Variants in MIXL1 observed in about 807,000 individuals in gnomAD.
The protein encoded by MIXL1 is homeobox protein MIXL1.
A neutral mutation model predicts 9.3 loss-of-function variants in MIXL1; 9 were observed. The observed-to-expected ratio is 0.97, with a 90% CI of 0.58 to 1.69. The LOEUF is 1.69. Among genes scored for constraint, MIXL1 ranks in the 40% most tolerant of loss-of-function variants. The pLI is 0.00. For synonymous variants in MIXL1, 164 were observed against 155.6 expected (o/e 1.05, Z -0.40); for missense variants, 330 against 331.7 (o/e 0.99, Z 0.04).
At position 226,226,391 on chromosome 1, in the gene MIXL1, C is replaced by T. The variant is rs1008297130; in HGVS notation, c.*579C>T. On this transcript the variant is annotated 3_prime_UTR_variant, in exon 2 of 2. Coordinates refer to ENST00000366810, the MANE Select transcript of MIXL1 (RefSeq NM_031944.3). ...TCTCAACTACTTAAAAAAAATTACC[C>T]TCTGTGGGCCAGGTGCAGTGGCTCA... 2 of 152,254 alleles carry T rather than the reference C, an allele frequency of 1.3e-5. No homozygotes were observed. Among genetic ancestry groups the T allele is most frequent in the African/African-American group, 4.8e-5 (2 of 41,408 alleles). 9.4% of individuals were successfully genotyped at this position (152,254 alleles called of 1,614,324 possible).
intron 1 of MIXL1, among the ~76,000 whole-genome samples, chr1:226,224,977 AAGG>A (rs1332089962): frequency 6.6e-6 from 1 of 152,194 alleles, no homozygotes; most frequent in Non-Finnish European, 1.5e-5. Flanking sequence ...TAGAGTTGGT[AAGG>A]AGAAGCCTGC....
Position 226,225,674 on chromosome 1 carries a change from AAACGG to A in MIXL1, c.562_566del (p.Asn188GlyfsTer7). The A allele has an allele frequency of 6.2e-7, 1 of 1,614,182 alleles. No individual in the cohort carries two copies. The highest frequency in any genetic ancestry group is 8.5e-7 in the Non-Finnish European group (1 of 1,180,032). ...TAGATGTGAACTGCCTGCCCGAACC[AAACGG>A]GGTTGGAGGGGGCATCTCTGACTCT... On this transcript the variant is annotated frameshift_variant, in exon 2 of 2. Coordinates refer to ENST00000366810, the MANE Select transcript of MIXL1 (RefSeq NM_031944.3). LOFTEE classifies it low-confidence loss of function (END_TRUNC).
intron 1 of MIXL1, among the ~76,000 whole-genome samples, chr1:226,224,851 G>T (rs551249857): frequency 1.3e-5 from 2 of 152,232 alleles, no homozygotes; most frequent in Non-Finnish European, 2.9e-5. Context: ...TGTTGGTCAG[G>T]CTGGTTTCGA....
In MIXL1 at chr1:226,223,973, C is replaced by T. The variant is rs764300149; in HGVS notation, c.292C>T (p.Leu98=). ...GCGCACGTCTTTCAGCGCCGAACAG[C>T]TGCAGCTGCTGGAGCTCGTCTTCCG... is the stretch of plus-strand genomic sequence containing the variant. ...RKRTSFSAEQ[L]QLLELVFRRT... Residue 98 remains leucine (L), a synonymous_variant, in exon 1 of 2, where the codon CTG becomes TTG. Transcript: ENST00000366810. The T allele has an allele frequency of 4.1e-6, 6 of 1,447,398 alleles. No individual in the cohort carries two copies. The South Asian group carries it at 6.0e-5, about 14-fold the overall frequency. 89.7% of individuals were successfully genotyped at this position (1,447,398 alleles called of 1,614,324 possible).
At position 226,223,778 on chromosome 1, in the gene MIXL1, C is replaced by G. The variant is rs1178698980; in HGVS notation, c.97C>G (p.Pro33Ala). The G allele has an allele frequency of 3.6e-5, 50 of 1,393,162 alleles. No individual in the cohort carries two copies. The highest frequency in any genetic ancestry group is 4.5e-5 in the Non-Finnish European group (48 of 1,075,984). 86.3% of individuals were successfully genotyped at this position (1,393,162 alleles called of 1,614,324 possible). Reference protein sequence around the residue: ...PHAGGALLPPPSPAAALLPAP... With the variant: ...PHAGGALLPPASPAAALLPAP... ...CGCCGGCGGGGCGCTCCTGCCGCCCCCGAGCCCTGCGGCAGCCCTGCTCCC... is the reference window on the plus strand; with the variant it reads ...CGCCGGCGGGGCGCTCCTGCCGCCCGCGAGCCCTGCGGCAGCCCTGCTCCC... Residue 33 changes from proline to alanine, a missense_variant, in exon 1 of 2, where the codon CCG becomes GCG. By Grantham distance (27) the Pro-to-Ala change is conservative. Transcript: ENST00000366810.
rs200659360 is a variant in MIXL1, at chr1:226,225,762, A to G, written c.649A>G (p.Lys217Glu). 4.3e-6 allele frequency: 7 copies of G among 1,614,192 alleles called. No homozygotes were observed. Among genetic ancestry groups the G allele is most frequent in the Middle Eastern group, 1.7e-4 (1 of 6,060 alleles). Residue 217 changes from lysine (K) to glutamate (E), a missense_variant, in exon 2 of 2, where the codon AAG becomes GAG. By Grantham distance (56) the Lys-to-Glu change is moderately conservative. Coordinates refer to ENST00000366810, the MANE Select transcript of MIXL1 (RefSeq NM_031944.3). ...CSPLSEDIGS[K>E]LDSWEEHIFS... ...CCCTCTCTCTGAAGACATTGGTTCA[A>G]AGCTGGACTCATGGGAGGAACACAT...
chr1:226,223,905 C>G lies in MIXL1; in HGVS notation c.224C>G (p.Pro75Arg). The change falls in exon 1 of 2, where the codon CCC becomes CGC. Residue 75 changes from proline (P) to arginine (R), a missense_variant. Pro to Arg is a moderately radical substitution (Grantham distance 103). Coordinates refer to ENST00000366810, the MANE Select transcript of MIXL1 (RefSeq NM_031944.3). ...PPPASLGSPAPPKGAAAPSAS... is the reference protein window; with the variant it reads ...PPPASLGSPARPKGAAAPSAS... ...CCCGCCAGCCTGGGCTCGCCTGCGC[C>G]CCCCAAAGGCGCGGCCGCCCCGTCG... 1.5e-6 allele frequency: 2 copies of G among 1,298,320 alleles called. No homozygotes were observed. The highest frequency in any genetic ancestry group is 2.0e-6 in the Non-Finnish European group (2 of 1,018,444). 80.4% of individuals were successfully genotyped at this position (1,298,320 alleles called of 1,614,324 possible).
Position 226,224,218 on chromosome 1 carries a change from G to C in MIXL1, c.393+144G>C, listed in dbSNP as rs539201649. 71 of 758,678 alleles carry C rather than the reference G, an allele frequency of 9.4e-5. No homozygotes were observed. The African/African-American group carries it at 1.2e-3, about 13-fold the overall frequency. The allele number at this position is 758,678 out of a possible 1,614,324, so 47.0% of individuals were successfully genotyped here. On this transcript the variant is annotated intron_variant, in intron 1 of 1. Coordinates refer to ENST00000366810, the MANE Select transcript of MIXL1 (RefSeq NM_031944.3). ...GGCTCTGCGTACTAGACTGAAATAGGGGGTGATATCGGCACCTGCTGCATA... is the reference window on the plus strand; with the variant it reads ...GGCTCTGCGTACTAGACTGAAATAGCGGGTGATATCGGCACCTGCTGCATA...
rs1182098072 is a variant in MIXL1 at position 226,226,032 on chromosome 1, T to C, written c.*220T>C. 3.7e-6 allele frequency: 2 copies of C among 535,638 alleles called. No individual in the cohort carries two copies. Among genetic ancestry groups the C allele is most frequent in the Admixed American group, 3.2e-5 (1 of 30,804 alleles). 33.2% of individuals were successfully genotyped at this position (535,638 alleles called of 1,614,324 possible). A position where few individuals can be genotyped will look rare whatever the true frequency, so the allele number is the denominator to read the frequency against. ...CACCCCAGAGTTCCCGCATTCGTTT[T>C]TACCTGTGTTCTCTCCAAGCCTGCA... On this transcript the variant is annotated 3_prime_UTR_variant, in exon 2 of 2. Transcript: ENST00000366810.
At chr1:226,224,884 C>T (rs1219107390) in intron 1 of MIXL1, among the ~76,000 whole-genome samples, 1 of 152,162 alleles carries the variant, frequency 6.6e-6, no homozygotes, top group African/African-American at 2.4e-5. Context: ...AGGTGATCCA[C>T]CCGCCTCAAA....
Position 226,223,954 on chromosome 1 carries a change from G to A in MIXL1, c.273G>A (p.Thr91=). 6.9e-7 allele frequency: 1 copy of A among 1,441,518 alleles called. No homozygotes were observed. Among genetic ancestry groups the A allele is most frequent in the African/African-American group, 1.4e-5 (1 of 69,750 alleles). 89.3% of individuals were successfully genotyped at this position (1,441,518 alleles called of 1,614,324 possible). Residue 91 remains threonine, a synonymous_variant, in exon 1 of 2, where the codon ACG becomes ACA. Coordinates refer to ENST00000366810, the MANE Select transcript of MIXL1 (RefSeq NM_031944.3). The part of the protein sequence containing the change: ...APSASQRRKR[T]SFSAEQLQLL... ...CGGCGTCGCAGCGCCGCAAGCGCAC[G>A]TCTTTCAGCGCCGAACAGCTGCAGC...
intron 1 of MIXL1, 100 bp from the exon 2 acceptor site, chr1:226,225,407 A>G: frequency 7.4e-7 from 1 of 1,345,796 alleles, no homozygotes; most frequent in Non-Finnish European, 1.0e-6. Flanking sequence ...AGAGGAAGCC[A>G]GGGGATGTTA....
At position 226,224,029 on chromosome 1, in the gene MIXL1, C is replaced by T. The variant is rs1047946328; in HGVS notation, c.348C>T (p.Arg116=). Residue 116 remains arginine, a synonymous_variant, in exon 1 of 2, where the codon CGC becomes CGT. Transcript: ENST00000366810. Reference sequence around the variant, plus strand: ...CCCGGTACCCCGACATCCACTTGCGCGAGCGCCTGGCCGCGCTCACCCTGC... The same window carrying T: ...CCCGGTACCCCGACATCCACTTGCGTGAGCGCCTGGCCGCGCTCACCCTGC... ...RRTRYPDIHL[R]ERLAALTLLP... 5 of 1,415,240 alleles carry T rather than the reference C, an allele frequency of 3.5e-6. No homozygotes were observed. The highest frequency in any genetic ancestry group is 4.7e-6 in the Non-Finnish European group (5 of 1,071,964). The allele number at this position is 1,415,240 out of a possible 1,614,324, so 87.7% of individuals were successfully genotyped here. A position where few individuals can be genotyped will look rare whatever the true frequency, so the allele number is the denominator to read the frequency against.
In MIXL1 at chr1:226,225,879, G is replaced by A; in HGVS notation, c.*67G>A. 2.3e-6 allele frequency: 3 copies of A among 1,289,106 alleles called. No homozygotes were observed. Among genetic ancestry groups the A allele is most frequent in the South Asian group, 1.4e-5 (1 of 72,894 alleles). 79.9% of individuals were successfully genotyped at this position (1,289,106 alleles called of 1,614,324 possible). On this transcript the variant is annotated 3_prime_UTR_variant, in exon 2 of 2. Transcript: ENST00000366810. ...CTGACAGCCTGGGAGAGACACATCA[G>A]CATACTGTCCTTTCTGACTTCCATG...
rs562031702 is a variant in MIXL1 at position 226,224,840 on chromosome 1, A to G, written c.394-667A>G. 1.2e-3 allele frequency among the ~76,000 whole-genome samples: 182 copies of G among 152,190 alleles called. 1 individual carries two copies. Among genetic ancestry groups the G allele is most frequent in the African/African-American group, 4.0e-3 (168 of 41,526 alleles). On this transcript the variant is annotated intron_variant, in intron 1 of 1. Coordinates refer to ENST00000366810, the MANE Select transcript of MIXL1 (RefSeq NM_031944.3). ...TTTTTAGTAGAGACGGGGTTTTACC[A>G]TGTTGGTCAGGCTGGTTTCGAACTC...
In MIXL1 at chr1:226,226,075, T is replaced by A. The variant is rs183341751; in HGVS notation, c.*263T>A. The A allele has an allele frequency of 1.4e-4, 53 of 370,144 alleles. No individual in the cohort carries two copies. The highest frequency in any genetic ancestry group is 2.3e-4 in the Non-Finnish European group (47 of 204,268). The allele number at this position is 370,144 out of a possible 1,614,324, so 22.9% of individuals were successfully genotyped here. A position where few individuals can be genotyped will look rare whatever the true frequency, so the allele number is the denominator to read the frequency against. On this transcript the variant is annotated 3_prime_UTR_variant, in exon 2 of 2. Coordinates refer to ENST00000366810, the MANE Select transcript of MIXL1 (RefSeq NM_031944.3). Reference sequence around the variant, plus strand: ...AGCCTGCACATTCCATTGGTCTGCATCCCTATGCCTTCTTGCCAGGCCTGT... The same window carrying A: ...AGCCTGCACATTCCATTGGTCTGCAACCCTATGCCTTCTTGCCAGGCCTGT...
Position 226,224,057 on chromosome 1 carries a change from C to A in MIXL1, c.376C>A (p.Pro126Thr). 7.4e-7 allele frequency: 1 copy of A among 1,359,552 alleles called. No homozygotes were observed. The allele number at this position is 1,359,552 out of a possible 1,614,324, so 84.2% of individuals were successfully genotyped here. A position where few individuals can be genotyped will look rare whatever the true frequency, so the allele number is the denominator to read the frequency against. The change falls in exon 1 of 2, where the codon CCC becomes ACC. Residue 126 changes from proline (P) to threonine (T), a missense_variant. Pro to Thr is a conservative substitution (Grantham distance 38). Coordinates refer to ENST00000366810, the MANE Select transcript of MIXL1 (RefSeq NM_031944.3). ...RERLAALTLL[P>T]ESRIQVWFQN... ...GCGCCTGGCCGCGCTCACCCTGCTC[C>A]CCGAGTCCAGGATCCAGGTGAGGGC... is the stretch of plus-strand genomic sequence containing the variant.
At chr1:226,224,786 C>CG (rs1657118745) in intron 1 of MIXL1, among the ~76,000 whole-genome samples, 1 of 152,118 alleles carries the variant, frequency 6.6e-6, no homozygotes, top group Non-Finnish European at 1.5e-5. Context: ...ATTACAGGCG[C>CG]CAGCCACCAC....
intron 1 of MIXL1, among the ~76,000 whole-genome samples, chr1:226,224,638 T>A (rs1657112465): frequency 6.6e-6 from 1 of 152,166 alleles, no homozygotes; most frequent in African/African-American, 2.4e-5. Context: ...TTTATTTTTA[T>A]TTATTTAGTT....
Sources: allele counts gnomAD v4.1 joint callset (sites outside exome capture counted in the v4.1 genomes callset), GRCh38; gene constraint gnomAD v4.1.1; transcripts MANE v1.5; gene names NCBI Gene and HGNC (gene_info 2026-07-23, HGNC 2026-07-21).